The following TLN2 variants were observed in gnomAD, a reference collection of about 807,000 sequenced individuals.
TLN2 encodes the protein talin-2.
TLN2 carries 118 observed loss-of-function variants against 294.7 expected under a neutral mutation model. The ratio of observed to expected loss-of-function variants is 0.40; its 90% CI spans 0.34 to 0.47. The LOEUF is 0.47. Among genes scored for constraint, TLN2 ranks in the 20% least tolerant of loss-of-function variants. TLN2 has a pLI of 0.84. For missense variants in TLN2, 3,083 were observed against 3,282.2 expected, an observed-to-expected ratio of 0.94 and a Z score of 1.48; for synonymous variants, 1,431 against 1,304.5, an observed-to-expected ratio of 1.10 and a Z score of -2.09.
chr15:62,440,039 T>G (rs1018435396), intron 1 of TLN2, among the ~76,000 whole-genome samples: 1 of 152,150 alleles, frequency 6.6e-6, no homozygotes, highest in Non-Finnish European at 1.5e-5. Flanking sequence ...GATGGTCTCT[T>G]CATTTACTTG....
intron 1 of TLN2, among the ~76,000 whole-genome samples, chr15:62,407,348 G>A (rs2033467945): frequency 2.0e-5 from 3 of 152,174 alleles, no homozygotes; most frequent in Admixed American, 6.5e-5. Flanking sequence ...CGTAATACCA[G>A]TGAGTCTCAA....
intron 1 of TLN2, among the ~76,000 whole-genome samples, chr15:62,556,036 A>G (rs117678164): frequency 0.026 from 3,836 of 148,992 alleles, 58 homozygotes; most frequent in Non-Finnish European, 0.028. Context: ...ACGTTGACTT[A>G]GTTGACTTTA....
chr15:62,731,892 G>A (rs1243623129), intron 28 of TLN2, among the ~76,000 whole-genome samples: 4 of 152,140 alleles, frequency 2.6e-5, no homozygotes, highest in Non-Finnish European at 2.9e-5. Context: ...TCTTTGATTT[G>A]TAAAAACTGT....
intron 32 of TLN2, among the ~76,000 whole-genome samples, chr15:62,745,868 T>G (rs1384373656): frequency 6.6e-6 from 1 of 152,246 alleles, no homozygotes; most frequent in South Asian, 2.1e-4. Context: ...AAATTAGTTA[T>G]GGGAATTCGT....
intron 1 of TLN2, among the ~76,000 whole-genome samples, chr15:62,444,816 C>A: frequency 6.6e-6 from 1 of 152,160 alleles, no homozygotes; most frequent in East Asian, 1.9e-4. Flanking sequence ...AGAAGCAGAG[C>A]CAGCTGCTGC....
intron 3 of TLN2, among the ~76,000 whole-genome samples, chr15:62,642,679 T>G (rs975906888): frequency 9.7e-5 from 14 of 145,042 alleles, no homozygotes; most frequent in African/African-American, 2.8e-4. Flanking sequence ...TGTTGTTGTT[T>G]TTGTTTGTTT....
At chr15:62,682,280 G>A (rs767775521) in intron 11 of TLN2, among the ~76,000 whole-genome samples, 7 of 152,104 alleles carry the variant, frequency 4.6e-5, no homozygotes, top group Non-Finnish European at 8.8e-5. Context: ...AATTTTTCTC[G>A]CACAAAATAT....
chr15:62,433,320 C>G (rs2035114304), intron 1 of TLN2, among the ~76,000 whole-genome samples: 1 of 152,112 alleles, frequency 6.6e-6, no homozygotes, highest in South Asian at 2.1e-4. Flanking sequence ...TAAGTCAACT[C>G]TAAGGCTGTG....
intron 1 of TLN2, among the ~76,000 whole-genome samples, chr15:62,415,408 C>T (rs2034018089): frequency 7.0e-6 from 1 of 142,458 alleles, no homozygotes; most frequent in African/African-American, 2.5e-5. Context: ...GTTTGATGAA[C>T]ATTCTGCTGC....
intron 3 of TLN2, among the ~76,000 whole-genome samples, chr15:62,643,405 ATTTTTTTTTTTTTTTTTTT>A (rs571288380): frequency 3.9e-4 from 35 of 90,746 alleles, no homozygotes; most frequent in African/African-American, 1.7e-3. Flanking sequence ...TGGTTCCAGG[ATTTTTTTTTTTTTTTTTTT>A]TTTTTTTTTT....
chr15:62,576,340 A>G (rs2044396968), intron 1 of TLN2, among the ~76,000 whole-genome samples: 2 of 152,226 alleles, frequency 1.3e-5, no homozygotes, highest in South Asian at 4.2e-4. Flanking sequence ...GATATGTAAC[A>G]TGTTTATGCA....
At chr15:62,562,906 T>TCTCTCA (rs1195322655) in intron 1 of TLN2, among the ~76,000 whole-genome samples, 1 of 99,244 alleles carries the variant, frequency 1.0e-5, no homozygotes, top group Non-Finnish European at 2.0e-5. Flanking sequence ...TAGTATTCCA[T>TCTCTCA]CACACACACA....
intron 1 of TLN2, among the ~76,000 whole-genome samples, chr15:62,494,386 T>A (rs1395846177): frequency 6.6e-6 from 1 of 152,048 alleles, no homozygotes; most frequent in African/African-American, 2.4e-5. Flanking sequence ...GGCCAGGGAT[T>A]TGTACATGGT....
intron 1 of TLN2, among the ~76,000 whole-genome samples, chr15:62,464,372 A>G (rs1334440305): frequency 6.6e-6 from 1 of 152,276 alleles, no homozygotes; most frequent in East Asian, 1.9e-4. Flanking sequence ...GAATTGAACA[A>G]TGAGAACACT....
At chr15:62,459,204 G>T (rs2140336409) in intron 1 of TLN2, among the ~76,000 whole-genome samples, 1 of 151,532 alleles carries the variant, frequency 6.6e-6, no homozygotes, top group East Asian at 1.9e-4. Context: ...GTTTCACCAT[G>T]TTGGCCAGGG....
chr15:62,734,377 C>G (rs1046822005), intron 28 of TLN2, among the ~76,000 whole-genome samples: 1 of 152,188 alleles, frequency 6.6e-6, no homozygotes, highest in Non-Finnish European at 1.5e-5. Flanking sequence ...GAGCTAGGAA[C>G]TCAGCCTCTC....
Position 62,499,734 on chromosome 15 carries a change from G to T in TLN2, c.-237-89953G>T, listed in dbSNP as rs146667778. 4.2e-4 allele frequency among the ~76,000 whole-genome samples: 64 copies of T among 152,116 alleles called. 1 individual carries two copies. In the East Asian group the frequency reaches 6.3e-3, roughly 15 times the overall value. On this transcript the variant is annotated intron_variant, in intron 1 of 58. Transcript: ENST00000636159. ...CTCCTGCCTCAGCCTCCCGAGAGTA[G>T]CTGAGATTACAGGCATGTTCCACCA...
At chr15:62,704,321 C>T (rs751189201) in intron 19 of TLN2, among the ~76,000 whole-genome samples, 18 of 152,250 alleles carry the variant, frequency 1.2e-4, no homozygotes, top group Non-Finnish European at 2.1e-4. Flanking sequence ...TCTGTTTTGA[C>T]CACCTCTTCA....
At chr15:62,567,586 G>A (rs575954861) in intron 1 of TLN2, among the ~76,000 whole-genome samples, 42 of 152,318 alleles carry the variant, frequency 2.8e-4, no homozygotes, top group Middle Eastern at 3.4e-3. Context: ...TGTAATCCCA[G>A]CACTTTGGGA....
Sources: allele counts gnomAD v4.1 joint callset (sites outside exome capture counted in the v4.1 genomes callset), GRCh38; gene constraint gnomAD v4.1.1; transcripts MANE v1.5; gene names NCBI Gene and HGNC (gene_info 2026-07-23, HGNC 2026-07-21).